IL31RA: variants seen among roughly 807,000 people sequenced by gnomAD.
IL31RA encodes interleukin 31 receptor A.
IL31RA carries 66 observed loss-of-function variants against 83.7 expected under a neutral mutation model. That is an observed-to-expected ratio of 0.79 (90% CI 0.65 to 0.97). IL31RA has a LOEUF of 0.97. IL31RA is among the 50% of genes least tolerant of loss of function. The pLI is 0.00. For missense variants in IL31RA, 798 were observed against 919.4 expected, an observed-to-expected ratio of 0.87 and a Z score of 1.71; for synonymous variants, 325 against 329.0, an observed-to-expected ratio of 0.99 and a Z score of 0.13.
intron 8 of IL31RA, among the ~76,000 whole-genome samples, chr5:55,901,772 C>T (rs1218824293): frequency 1.3e-5 from 2 of 152,004 alleles, no homozygotes; most frequent in East Asian, 3.9e-4. Context: ...TGTGCCACCA[C>T]ACCAGGCTCA....
chr5:55,922,612 G>A lies in IL31RA; in HGVS notation c.*5492G>A. The A allele has an allele frequency of 3.5e-6, 2 of 576,118 alleles. No individual in the cohort carries two copies. Among genetic ancestry groups the A allele is most frequent in the Non-Finnish European group, 6.2e-6 (2 of 321,950 alleles). 35.7% of individuals were successfully genotyped at this position (576,118 alleles called of 1,614,324 possible). On this transcript the variant is annotated 3_prime_UTR_variant, in exon 15 of 15. Transcript: ENST00000652347. ...GATGCAATCTGTAATGCATGTGCAT[G>A]AGAAGTCTGTTATTAAGTAGAGTGT...
intron 3 of IL31RA, among the ~76,000 whole-genome samples, chr5:55,869,621 A>G (rs1392850954): frequency 6.6e-6 from 1 of 152,058 alleles, no homozygotes; most frequent in African/African-American, 2.4e-5. Flanking sequence ...TTATGGGTGC[A>G]CACCACCATA....
In IL31RA at chr5:55,917,180, T is replaced by C. The variant is rs1371107486; in HGVS notation, c.*60T>C. ...TGTGGATGGCCCTTGCCAGAGAAGA[T>C]GTCAAGACTCGGCACGCAGCGCTTG... is the stretch of plus-strand genomic sequence containing the variant. On this transcript the variant is annotated 3_prime_UTR_variant, in exon 15 of 15. Transcript: ENST00000652347. The C allele has an allele frequency of 7.4e-6, 12 of 1,611,582 alleles. No individual in the cohort carries two copies. Among genetic ancestry groups the C allele is most frequent in the Non-Finnish European group, 6.8e-6 (8 of 1,180,004 alleles).
At chr5:55,882,886 G>A (rs1479763541) in intron 4 of IL31RA, among the ~76,000 whole-genome samples, 158 bp from the exon 5 acceptor site, 2 of 152,004 alleles carry the variant, frequency 1.3e-5, no homozygotes, top group African/African-American at 2.4e-5. Context: ...GTTGGGGTTG[G>A]GGGGGTGACA....
intron 3 of IL31RA, among the ~76,000 whole-genome samples, chr5:55,871,171 G>C (rs575502219): frequency 5.3e-5 from 8 of 152,238 alleles, no homozygotes; most frequent in African/African-American, 1.9e-4. Flanking sequence ...CAGTTAATAG[G>C]GGCAAAGCCA....
intron 7 of IL31RA, among the ~76,000 whole-genome samples, chr5:55,898,319 A>AC (rs1404345344): frequency 3.1e-4 from 33 of 106,554 alleles, no homozygotes; most frequent in East Asian, 9.6e-4. Context: ...TCTCCACACC[A>AC]CCCCCCCGCC....
chr5:55,899,895 T>G, intron 7 of IL31RA, 21 bp from the exon 8 acceptor site: 2 of 1,578,186 alleles, frequency 1.3e-6, no homozygotes, highest in Non-Finnish European at 1.7e-6. Context: ...TGGCAATAAA[T>G]TTTGTTTTCT....
chr5:55,902,812 AAC>A (rs1184719691), intron 8 of IL31RA, among the ~76,000 whole-genome samples: 1 of 152,218 alleles, frequency 6.6e-6, no homozygotes, highest in African/African-American at 2.4e-5. Context: ...GTGCTAAGAT[AAC>A]ATAGGTTTTC....
At chr5:55,864,924 G>A (rs910561438) in intron 2 of IL31RA, among the ~76,000 whole-genome samples, 3 of 152,022 alleles carry the variant, frequency 2.0e-5, no homozygotes, top group African/African-American at 7.3e-5. Flanking sequence ...ACACACACAT[G>A]CACTGTACAC....
chr5:55,907,946 C>A (rs1749257531), intron 10 of IL31RA, among the ~76,000 whole-genome samples: 1 of 152,196 alleles, frequency 6.6e-6, no homozygotes. Flanking sequence ...TCAAAGGTAG[C>A]CTATGGAGCC....
upstream of IL31RA, among the ~76,000 whole-genome samples, chr5:55,847,227 AAAAAAAAAAAAAAAT>A (rs1421840488): frequency 8.2e-5 from 1 of 12,206 alleles, no homozygotes; most frequent in African/African-American, 5.4e-4. Context: ...TGGGCAACAG[AAAAAAAAAAAAAAAT>A]AAAAATAAAT....
chr5:55,852,640 T>C (rs1156541479), intron 1 of IL31RA, among the ~76,000 whole-genome samples: 1 of 152,238 alleles, frequency 6.6e-6, no homozygotes, highest in Non-Finnish European at 1.5e-5. Flanking sequence ...TAGTTTTCTT[T>C]CCTTTTGCAT....
At chr5:55,913,670 G>T in intron 13 of IL31RA, 100 bp downstream of exon 13, 1 of 784,260 alleles carries the variant, frequency 1.3e-6, no homozygotes, top group Non-Finnish European at 2.3e-6. Flanking sequence ...TACCATTAAG[G>T]GGTGTTCATT....
chr5:55,885,679 CT>C (rs1259200832), intron 5 of IL31RA, among the ~76,000 whole-genome samples: 1 of 152,194 alleles, frequency 6.6e-6, no homozygotes, highest in Non-Finnish European at 1.5e-5. Context: ...GGGAACCCCC[CT>C]TATCTGCCTT....
chr5:55,860,813 A>G (rs924893773), intron 2 of IL31RA, among the ~76,000 whole-genome samples: 2 of 152,218 alleles, frequency 1.3e-5, no homozygotes, highest in South Asian at 2.1e-4. Flanking sequence ...TTGGGCTGCC[A>G]TAACAAAATA....
At chr5:55,845,880 C>G in the IL31RA span, among the ~76,000 whole-genome samples, 2 of 152,108 alleles carry the variant, frequency 1.3e-5, no homozygotes, top group African/African-American at 4.8e-5. Flanking sequence ...CCCCTCTGTC[C>G]CTCTGCTACC....
At chr5:55,865,644 T>C (rs1746006943) in intron 2 of IL31RA, among the ~76,000 whole-genome samples, 1 of 152,186 alleles carries the variant, frequency 6.6e-6, no homozygotes, top group Admixed American at 6.5e-5. Context: ...TATATAATAT[T>C]ATTCAGATGT....
chr5:55,861,311 C>G (rs536263695), intron 2 of IL31RA, among the ~76,000 whole-genome samples: 1 of 152,288 alleles, frequency 6.6e-6, no homozygotes, highest in East Asian at 1.9e-4. Flanking sequence ...CCCCAGGCTG[C>G]AGACCATGTT....
chr5:55,882,394 C>T (rs1269431328), intron 4 of IL31RA, among the ~76,000 whole-genome samples: 3 of 152,060 alleles, frequency 2.0e-5, no homozygotes, highest in Admixed American at 6.6e-5. Flanking sequence ...CTTTATTTAG[C>T]GTAATACCAA....
Sources: allele counts gnomAD v4.1 joint callset (sites outside exome capture counted in the v4.1 genomes callset), GRCh38; gene constraint gnomAD v4.1.1; transcripts MANE v1.5; gene names NCBI Gene and HGNC (gene_info 2026-07-23, HGNC 2026-07-21).